VENTX: variants seen among roughly 807,000 people sequenced by gnomAD.
The protein encoded by VENTX is VENT homeobox, also known as homeobox protein VENTX.
A neutral mutation model predicts 10.5 loss-of-function variants in VENTX; 13 were observed. That is an observed-to-expected ratio of 1.23 (90% CI 0.80 to 1.96). The LOEUF (loss-of-function observed/expected upper bound fraction) is 1.96. Among genes scored for constraint, VENTX ranks in the 30% most tolerant of loss-of-function variants. The pLI, the probability that VENTX is intolerant of heterozygous loss-of-function variation, is 0.00. For missense variants in VENTX, 400 were observed against 341.8 expected, an observed-to-expected ratio of 1.17 and a Z score of -1.34; for synonymous variants, 177 against 150.4, an observed-to-expected ratio of 1.18 and a Z score of -1.29.
In VENTX at chr10:133,240,418, A is replaced by T. The variant is rs1845917840; in HGVS notation, c.*112A>T. 6.1e-6 allele frequency: 8 copies of T among 1,309,204 alleles called. No individual in the cohort carries two copies. Among genetic ancestry groups the T allele is most frequent in the Non-Finnish European group, 8.0e-6 (8 of 997,080 alleles). The allele number at this position is 1,309,204 out of a possible 1,614,324, so 81.1% of individuals were successfully genotyped here. On this transcript the variant is annotated 3_prime_UTR_variant, in exon 3 of 3. Transcript: ENST00000325980. Reference sequence around the variant, plus strand: ...GGTGGCACCTCTCACCCTGACCCACACAAAGGTTCTGGAGATTACTGGAGA... The same window carrying T: ...GGTGGCACCTCTCACCCTGACCCACTCAAAGGTTCTGGAGATTACTGGAGA...
Position 133,238,301 on chromosome 10 carries a change from T to C in VENTX, c.241+146T>C, listed in dbSNP as rs539845122. On this transcript the variant is annotated intron_variant, in intron 1 of 2. Transcript: ENST00000325980. ...TTTCCATGAGGGCCGGCGGAGGCCT[T>C]GCCGGCGCCCTCACTGGAGCGCAGC... 6.5e-6 allele frequency: 7 copies of C among 1,077,028 alleles called. No individual in the cohort carries two copies. The South Asian group carries it at 1.4e-4, about 22-fold the overall frequency. 66.7% of individuals were successfully genotyped at this position (1,077,028 alleles called of 1,614,324 possible). A position where few individuals can be genotyped will look rare whatever the true frequency, so the allele number is the denominator to read the frequency against.
Position 133,238,034 on chromosome 10 carries a change from C to A in VENTX, c.120C>A (p.Phe40Leu). 1 of 1,600,904 alleles carries A rather than the reference C, an allele frequency of 6.2e-7. No individual in the cohort carries two copies. The highest frequency in any genetic ancestry group is 8.5e-7 in the Non-Finnish European group (1 of 1,175,838). Residue 40 changes from phenylalanine to leucine, a missense_variant, in exon 1 of 3, where the codon TTC becomes TTA. Phe to Leu is a conservative substitution (Grantham distance 22, BLOSUM62 0). Coordinates refer to ENST00000325980, the MANE Select transcript of VENTX (RefSeq NM_014468.4). ...CCCACACCCCCAGGCCTGCCGACTT[C>A]TCCCTGGGGAGCCTCCCTGGCCCAG... Reference protein sequence around the residue: ...GPTHTPRPADFSLGSLPGPGQ... With the variant: ...GPTHTPRPADLSLGSLPGPGQ...
intron 1 of VENTX, among the ~76,000 whole-genome samples, chr10:133,239,117 C>T (rs1265035279): frequency 6.6e-6 from 1 of 152,238 alleles, no homozygotes; most frequent in East Asian, 1.9e-4. Context: ...CATTTAATGT[C>T]GAGCTCGATT....
Position 133,237,876 on chromosome 10 carries a change from C to T in VENTX, c.-39C>T, listed in dbSNP as rs1845870479. 6.5e-7 allele frequency: 1 copy of T among 1,533,816 alleles called. No individual in the cohort carries two copies. The highest frequency in any genetic ancestry group is 8.7e-7 in the Non-Finnish European group (1 of 1,146,086). On this transcript the variant is annotated 5_prime_UTR_variant, in exon 1 of 3. Coordinates refer to ENST00000325980, the MANE Select transcript of VENTX (RefSeq NM_014468.4). ...GCCCGAGGTGGATCCTGCGCCTGGC[C>T]AGCCCCGCCTGGCCTTCCCTCCGGC...
Position 133,238,016 on chromosome 10 carries a change from C to T in VENTX, c.102C>T (p.Thr34=), listed in dbSNP as rs752077143. 11 of 1,600,832 alleles carry T rather than the reference C, an allele frequency of 6.9e-6. No individual in the cohort carries two copies. The highest frequency in any genetic ancestry group is 9.4e-6 in the Non-Finnish European group (11 of 1,176,246). The change falls in exon 1 of 3, where the codon ACC becomes ACT. Residue 34 remains threonine (T), a synonymous_variant. Transcript: ENST00000325980. ...SQSSCSGPTH[T]PRPADFSLGS... The stretch of plus-strand genomic sequence containing the variant: ...GCAGCTGCTCAGGGCCGACCCACAC[C>T]CCCAGGCCTGCCGACTTCTCCCTGG...
chr10:133,239,514 G>A (rs535361605), intron 1 of VENTX, among the ~76,000 whole-genome samples, 162 bp from the exon 2 acceptor site: 72 of 152,274 alleles, frequency 4.7e-4, no homozygotes, highest in Middle Eastern at 3.4e-3. Flanking sequence ...CCCCCTTTCC[G>A]CATGTGACCT....
At chr10:133,239,246 G>C (rs1380530409) in intron 1 of VENTX, among the ~76,000 whole-genome samples, 7 of 152,342 alleles carry the variant, frequency 4.6e-5, no homozygotes, top group African/African-American at 1.7e-4. Context: ...ACCACAGTGG[G>C]CCTGGGGATT....
Position 133,237,890 on chromosome 10 carries a change from C to T in VENTX, c.-25C>T, listed in dbSNP as rs1564909266. The T allele has an allele frequency of 5.1e-6, 8 of 1,560,488 alleles. No individual in the cohort carries two copies. Among genetic ancestry groups the T allele is most frequent in the South Asian group, 2.4e-5 (2 of 84,622 alleles). On this transcript the variant is annotated 5_prime_UTR_variant, in exon 1 of 3. Transcript: ENST00000325980. ...CTGCGCCTGGCCAGCCCCGCCTGGCCTTCCCTCCGGCCCACCTGGCCGCCA... is the reference window on the plus strand; with the variant it reads ...CTGCGCCTGGCCAGCCCCGCCTGGCTTTCCCTCCGGCCCACCTGGCCGCCA...
At position 133,239,796 on chromosome 10, in the gene VENTX, G is replaced by T. The variant is rs367704244; in HGVS notation, c.362G>T (p.Arg121Leu). 2 of 1,611,494 alleles carry T rather than the reference G, an allele frequency of 1.2e-6. No individual in the cohort carries two copies. Among genetic ancestry groups the T allele is most frequent in the East Asian group, 4.5e-5 (2 of 44,866 alleles). Reference protein sequence around the residue: ...QHHQYLSPLERKRLAREMQLS... With the variant: ...QHHQYLSPLELKRLAREMQLS... Reference sequence around the variant, plus strand: ...CACCAGTACCTGAGCCCTCTGGAGCGGAAGAGGCTGGCCAGGGAGATGCAG... The same window carrying T: ...CACCAGTACCTGAGCCCTCTGGAGCTGAAGAGGCTGGCCAGGGAGATGCAG... The change falls in exon 2 of 3, where the codon CGG becomes CTG. Residue 121 changes from arginine to leucine, a missense_variant. Transcript: ENST00000325980.
rs749256409 is a variant in VENTX, at chr10:133,238,197, A to G, written c.241+42A>G. 2.6e-6 allele frequency: 4 copies of G among 1,547,158 alleles called. No individual in the cohort carries two copies. In the South Asian group the frequency reaches 3.7e-5, roughly 14 times the overall value. On this transcript the variant is annotated intron_variant, in intron 1 of 2. Coordinates refer to ENST00000325980, the MANE Select transcript of VENTX (RefSeq NM_014468.4). Reference sequence around the variant, plus strand: ...GGGGTCCCTTCCTTCCCAGGTGGAGATGGGAGTGGGGGAGAGGCCAGGAGC... The same window carrying G: ...GGGGTCCCTTCCTTCCCAGGTGGAGGTGGGAGTGGGGGAGAGGCCAGGAGC...
chr10:133,240,388 A>G lies in VENTX; in HGVS notation c.*82A>G. 1.4e-6 allele frequency: 2 copies of G among 1,476,922 alleles called. No individual in the cohort carries two copies. Among genetic ancestry groups the G allele is most frequent in the Non-Finnish European group, 1.8e-6 (2 of 1,116,596 alleles). 91.5% of individuals were successfully genotyped at this position (1,476,922 alleles called of 1,614,324 possible). A position where few individuals can be genotyped will look rare whatever the true frequency, so the allele number is the denominator to read the frequency against. On this transcript the variant is annotated 3_prime_UTR_variant, in exon 3 of 3. Transcript: ENST00000325980. Reference sequence around the variant, plus strand: ...TGGAGGACTCAGTTGTTCTGTTTACATCCTGGTGGCACCTCTCACCCTGAC... The same window carrying G: ...TGGAGGACTCAGTTGTTCTGTTTACGTCCTGGTGGCACCTCTCACCCTGAC...
chr10:133,237,897 C>G lies in VENTX; in HGVS notation c.-18C>G. ...TGGCCAGCCCCGCCTGGCCTTCCCT[C>G]CGGCCCACCTGGCCGCCATGCGCCT... is the stretch of plus-strand genomic sequence containing the variant. On this transcript the variant is annotated 5_prime_UTR_variant, in exon 1 of 3. Transcript: ENST00000325980. The G allele has an allele frequency of 6.4e-7, 1 of 1,568,056 alleles. No homozygotes were observed. Among genetic ancestry groups the G allele is most frequent in the African/African-American group, 1.4e-5 (1 of 74,014 alleles).
chr10:133,240,121 C>T lies in VENTX; in HGVS notation c.592C>T (p.Pro198Ser), dbSNP rs1253983362. 3 of 1,610,008 alleles carry T rather than the reference C, an allele frequency of 1.9e-6. No homozygotes were observed. The highest frequency in any genetic ancestry group is 2.2e-5 in the East Asian group (1 of 44,878). ...GTCCGGGCCCCAGGCTCTGATGCTG[C>T]CCCCTGGCTCCTTCTGGGGTCTCTG... Reference protein sequence around the residue: ...PLSGPQALMLPPGSFWGLCQV... With the variant: ...PLSGPQALMLSPGSFWGLCQV... Residue 198 changes from proline (P) to serine (S), a missense_variant, in exon 3 of 3, where the codon CCC becomes TCC. By Grantham distance (74) the Pro-to-Ser change is moderately conservative (BLOSUM62 -1). Coordinates refer to ENST00000325980, the MANE Select transcript of VENTX (RefSeq NM_014468.4).
chr10:133,239,953 C>T lies in VENTX; in HGVS notation c.424C>T (p.Arg142Cys), dbSNP rs375001040. The change falls in exon 3 of 3, where the codon CGC (arginine) becomes TGC (cysteine). Residue 142 changes from arginine to cysteine, a missense_variant. Arg to Cys is a radical substitution (Grantham distance 180). Coordinates refer to ENST00000325980, the MANE Select transcript of VENTX (RefSeq NM_014468.4). ...EVQIKTWFQN[R>C]RMKHKRQMQD... The stretch of plus-strand genomic sequence containing the variant: ...ACAGATAAAAACCTGGTTTCAGAAT[C>T]GCCGCATGAAACACAAACGGCAAAT... 1.1e-5 allele frequency: 17 copies of T among 1,612,026 alleles called. No individual in the cohort carries two copies. The highest frequency in any genetic ancestry group is 5.4e-5 in the African/African-American group (4 of 74,752).
intron 1 of VENTX, among the ~76,000 whole-genome samples, chr10:133,238,803 T>A (rs112300749): frequency 6.6e-6 from 1 of 152,240 alleles, no homozygotes; most frequent in Non-Finnish European, 1.5e-5. Flanking sequence ...TGGTCAAAAG[T>A]GGGGTTGACA....
At chr10:133,238,298 C>T in intron 1 of VENTX, 143 bp downstream of exon 1, 1 of 1,115,090 alleles carries the variant, frequency 9.0e-7, no homozygotes, top group South Asian at 2.0e-5. Flanking sequence ...CCGGCGGAGG[C>T]CTTGCCGGCG....
In VENTX at chr10:133,237,900, GC is replaced by G; in HGVS notation, c.-12del. On this transcript the variant is annotated 5_prime_UTR_variant, in exon 1 of 3. Transcript: ENST00000325980. Reference sequence around the variant, plus strand: ...CCAGCCCCGCCTGGCCTTCCCTCCGGCCCACCTGGCCGCCATGCGCCTCTCC... The same window carrying G: ...CCAGCCCCGCCTGGCCTTCCCTCCGGCCACCTGGCCGCCATGCGCCTCTCC... The G allele has an allele frequency of 1.3e-6, 2 of 1,569,470 alleles. No individual in the cohort carries two copies. The highest frequency in any genetic ancestry group is 1.2e-5 in the South Asian group (1 of 86,042).
At position 133,241,523 on chromosome 10, in the gene VENTX, C is replaced by T. The variant is rs1479728710; in HGVS notation, c.*1217C>T. 3.3e-5 allele frequency: 5 copies of T among 152,274 alleles called. No individual in the cohort carries two copies. The highest frequency in any genetic ancestry group is 1.2e-4 in the African/African-American group (5 of 41,466). 9.4% of individuals were successfully genotyped at this position (152,274 alleles called of 1,614,324 possible). A position where few individuals can be genotyped will look rare whatever the true frequency, so the allele number is the denominator to read the frequency against. On this transcript the variant is annotated 3_prime_UTR_variant, in exon 3 of 3. Transcript: ENST00000325980. The stretch of plus-strand genomic sequence containing the variant: ...GCGTGCATGAAACCTGAGACAAGTG[C>T]AATTCCTTCCATGTCGCCCCAGAGT...
At position 133,238,744 on chromosome 10, in the gene VENTX, G is replaced by C. The variant is rs188701015; in HGVS notation, c.241+589G>C. On this transcript the variant is annotated intron_variant, in intron 1 of 2. Coordinates refer to ENST00000325980, the MANE Select transcript of VENTX (RefSeq NM_014468.4). ...GAGAACAAAGGTTCTCTGCGTTTGT[G>C]TTTTAGTCTTTGTGACATCATCACC... is the stretch of plus-strand genomic sequence containing the variant. 7.9e-3 allele frequency among the ~76,000 whole-genome samples: 1,205 copies of C among 152,330 alleles called. 11 individuals are homozygous for C. Among genetic ancestry groups the C allele is most frequent in the South Asian group, 0.021 (100 of 4,828 alleles).
Sources: gnomAD v4.1 joint callset for allele counts (sites outside exome capture counted in the v4.1 genomes callset) on GRCh38, gnomAD v4.1.1 for gene constraint, MANE v1.5 for transcripts, NCBI Gene and HGNC (gene_info 2026-07-23, HGNC 2026-07-21) for gene names.